The following JAZF1 variants were observed in gnomAD, a reference collection of about 807,000 sequenced individuals.
JAZF1 encodes juxtaposed with another zinc finger protein 1.
A neutral mutation model predicts 26.4 loss-of-function variants in JAZF1; 8 were observed. The ratio of observed to expected loss-of-function variants is 0.30; its 90% CI spans 0.18 to 0.55. The LOEUF (loss-of-function observed/expected upper bound fraction) is 0.55, where lower values mean the gene tolerates loss of function less well. JAZF1 is among the 20% of genes least tolerant of loss of function. JAZF1 has a pLI of 0.94. For missense variants in JAZF1, 199 were observed against 322.0 expected, an observed-to-expected ratio of 0.62 and a Z score of 2.92; for synonymous variants, 126 against 122.3, an observed-to-expected ratio of 1.03 and a Z score of -0.20.
chr7:27,904,917 A>G (rs1365523124), intron 2 of JAZF1, among the ~76,000 whole-genome samples: 1 of 151,760 alleles, frequency 6.6e-6, no homozygotes, highest in Non-Finnish European at 1.5e-5. Flanking sequence ...TTACTGCATT[A>G]AGAGAGACGT....
chr7:27,839,517 C>T (rs1562758885), intron 4 of JAZF1, among the ~76,000 whole-genome samples: 1 of 152,204 alleles, frequency 6.6e-6, no homozygotes, highest in Non-Finnish European at 1.5e-5. Flanking sequence ...CAACTCCACG[C>T]CTCTGACACA....
At chr7:28,015,995 G>A (rs556443011) in intron 1 of JAZF1, among the ~76,000 whole-genome samples, 20 of 152,116 alleles carry the variant, frequency 1.3e-4, no homozygotes, top group Non-Finnish European at 2.8e-4. Flanking sequence ...TCTCAGCTAG[G>A]CCTCCTCTAA....
chr7:27,933,973 T>G (rs1194983562), intron 2 of JAZF1, among the ~76,000 whole-genome samples: 1 of 152,224 alleles, frequency 6.6e-6, no homozygotes, highest in Non-Finnish European at 1.5e-5. Context: ...AAGAGGCATT[T>G]TGCAAACAGC....
chr7:28,025,584 C>G (rs534895227), intron 1 of JAZF1, among the ~76,000 whole-genome samples: 1 of 152,326 alleles, frequency 6.6e-6, no homozygotes, highest in African/African-American at 2.4e-5. Context: ...TAAAAACATA[C>G]TATCTTTCTC....
intron 2 of JAZF1, among the ~76,000 whole-genome samples, chr7:27,907,789 G>C (rs547797552): frequency 1.3e-5 from 2 of 152,322 alleles, no homozygotes; most frequent in South Asian, 4.1e-4. Flanking sequence ...GGCACACACA[G>C]TGGCTCTCGT....
At chr7:27,963,598 G>C (rs1785222626) in intron 2 of JAZF1, among the ~76,000 whole-genome samples, 1 of 127,596 alleles carries the variant, frequency 7.8e-6, no homozygotes, top group Non-Finnish European at 1.5e-5. Context: ...GTCTTGCTCT[G>C]TCATCTAGGC....
At position 27,968,637 on chromosome 7, in the gene JAZF1, ATAAGT is replaced by A. The variant is rs574849118; in HGVS notation, c.188+23267_188+23271del. 1.5e-3 allele frequency among the ~76,000 whole-genome samples: 224 copies of A among 152,356 alleles called. 2 individuals carry two copies. Among genetic ancestry groups the A allele is most frequent in the Middle Eastern group, 0.01 (3 of 294 alleles). On this transcript the variant is annotated intron_variant, in intron 2 of 4. Transcript: ENST00000283928. Reference sequence around the variant, plus strand: ...AAAGTGCTATTTTCAAAAACAGTAAATAAGTTAAGAGCATAATGTGCCTTTATTAT... The same window carrying A: ...AAAGTGCTATTTTCAAAAACAGTAAATAAGAGCATAATGTGCCTTTATTAT...
chr7:27,923,370 C>T (rs1784563048), intron 2 of JAZF1, among the ~76,000 whole-genome samples: 1 of 152,224 alleles, frequency 6.6e-6, no homozygotes, highest in South Asian at 2.1e-4. Context: ...CATGAACTGT[C>T]AACAGCCAAA....
At position 27,840,197 on chromosome 7, in the gene JAZF1, T is replaced by C. The variant is rs75886046; in HGVS notation, c.555+501A>G. On this transcript the variant is annotated intron_variant, in intron 4 of 4. Coordinates refer to ENST00000283928, the MANE Select transcript of JAZF1 (RefSeq NM_175061.4). This position sits in a 1 kb window ranked among gnomAD's most constrained non-coding sequence, Gnocchi z 5.1. ...TTCTCCTGATCCCCTTTCATGCCACTGGGTGGAAGGAAGCAAGAACTTCCT... is the reference window on the plus strand; with the variant it reads ...TTCTCCTGATCCCCTTTCATGCCACCGGGTGGAAGGAAGCAAGAACTTCCT... Among the ~76,000 whole-genome samples the C allele has an allele frequency of 0.016, 2,400 of 152,204 alleles. 68 individuals are homozygous for C. The highest frequency in any genetic ancestry group is 0.056 in the African/African-American group (2,311 of 41,514).
At chr7:28,091,085 C>A (rs1169620434) in intron 1 of JAZF1, among the ~76,000 whole-genome samples, 1 of 151,850 alleles carries the variant, frequency 6.6e-6, no homozygotes, top group Non-Finnish European at 1.5e-5. Flanking sequence ...CTCGGCCTCC[C>A]AAAGTGCTGG....
At chr7:28,179,815 C>T (rs1354331450) in intron 1 of JAZF1, among the ~76,000 whole-genome samples, 2 of 147,430 alleles carry the variant, frequency 1.4e-5, no homozygotes, top group African/African-American at 2.4e-5. Context: ...CCGGCCCCCT[C>T]CCGACGCACC....
At chr7:28,174,032 A>T (rs1342221963) in intron 1 of JAZF1, among the ~76,000 whole-genome samples, 1 of 152,130 alleles carries the variant, frequency 6.6e-6, no homozygotes, top group Non-Finnish European at 1.5e-5. Flanking sequence ...AATTTCTGAC[A>T]TCTATGGTTT....
intron 1 of JAZF1, among the ~76,000 whole-genome samples, chr7:28,178,350 A>G (rs961363051): frequency 6.6e-6 from 1 of 152,208 alleles, no homozygotes; most frequent in African/African-American, 2.4e-5. Flanking sequence ...TAATAAATAT[A>G]ATTTATACTG....
At chr7:28,101,277 T>G (rs185758330) in intron 1 of JAZF1, among the ~76,000 whole-genome samples, 1 of 152,332 alleles carries the variant, frequency 6.6e-6, no homozygotes, top group Non-Finnish European at 1.5e-5. Context: ...GTTTTAGCTC[T>G]TGCTGTATAC....
At chr7:27,839,559 G>C (rs1416247655) in intron 4 of JAZF1, among the ~76,000 whole-genome samples, 1 of 152,118 alleles carries the variant, frequency 6.6e-6, no homozygotes, top group African/African-American at 2.4e-5. Context: ...GACCTGTTCT[G>C]ACCCAAATGC....
intron 3 of JAZF1, among the ~76,000 whole-genome samples, chr7:27,887,849 G>A (rs1170141500): frequency 6.6e-6 from 1 of 152,154 alleles, no homozygotes; most frequent in African/African-American, 2.4e-5. Flanking sequence ...TCAGTAGCAA[G>A]AAGAGATTAA....
intron 3 of JAZF1, among the ~76,000 whole-genome samples, chr7:27,883,836 C>G (rs949334737): frequency 6.6e-6 from 1 of 152,234 alleles, no homozygotes. Flanking sequence ...CTCCTTCTCT[C>G]TACTTAATAT....
At chr7:27,915,924 C>T (rs1784438218) in intron 2 of JAZF1, among the ~76,000 whole-genome samples, 1 of 152,120 alleles carries the variant, frequency 6.6e-6, no homozygotes, top group African/African-American at 2.4e-5. Context: ...AGATTTGATT[C>T]TGAAAAATTA....
intron 2 of JAZF1, among the ~76,000 whole-genome samples, chr7:27,960,860 GA>G (rs1007358583): frequency 1.3e-5 from 2 of 152,192 alleles, no homozygotes; most frequent in African/African-American, 4.8e-5. Context: ...CAGCAGAGGG[GA>G]GATGCTGAAG....
Sources: gnomAD v4.1 joint callset for allele counts (sites outside exome capture counted in the v4.1 genomes callset) on GRCh38, gnomAD v4.1.1 for gene constraint, Gnocchi (gnomAD v3.1) non-coding constraint, MANE v1.5 for transcripts, NCBI Gene and HGNC (gene_info 2026-07-23, HGNC 2026-07-21) for gene names.